Variants in RPAP2 observed in about 807,000 individuals in gnomAD.
RPAP2 encodes RNA polymerase II associated protein 2.
Under a neutral mutation model 73.1 loss-of-function variants are expected in RPAP2, and 52 were observed. That is an observed-to-expected ratio of 0.71 (90% CI 0.57 to 0.90). The LOEUF (loss-of-function observed/expected upper bound fraction) is 0.90. Among genes scored for constraint, RPAP2 ranks in the 40% least tolerant of loss-of-function variants. The pLI, the probability that RPAP2 is intolerant of heterozygous loss-of-function variation, is 0.00. For synonymous variants in RPAP2, 225 were observed against 242.1 expected (o/e 0.93, Z 0.65); for missense variants, 598 against 701.8 (o/e 0.85, Z 1.67).
chr1:92,305,238 C>T (rs1184767842), intron 5 of RPAP2, among the ~76,000 whole-genome samples: 1 of 151,840 alleles, frequency 6.6e-6, no homozygotes, highest in Non-Finnish European at 1.5e-5. Context: ...CGAGACCATC[C>T]TGGCTAACAC....
intron 11 of RPAP2, among the ~76,000 whole-genome samples, chr1:92,365,272 G>A (rs976814986): frequency 6.6e-6 from 1 of 152,288 alleles, no homozygotes; most frequent in Non-Finnish European, 1.5e-5. Context: ...TTCCAAAAGT[G>A]TAGTTAACAA....
In RPAP2 at chr1:92,393,609, A is replaced by G. The variant is rs941201246; in HGVS notation, c.*6598A>G. On this transcript the variant is annotated 3_prime_UTR_variant, in exon 13 of 13. Transcript: ENST00000610020. The stretch of plus-strand genomic sequence containing the variant: ...AAGGGCTAATATCCAGAATCTACAA[A>G]GAACTTAAACAAATTTACAAGAAAA... The G allele has an allele frequency of 2.6e-5, 4 of 152,214 alleles. No individual in the cohort carries two copies. Among genetic ancestry groups the G allele is most frequent in the Non-Finnish European group, 5.9e-5 (4 of 68,034 alleles). 9.4% of individuals were successfully genotyped at this position (152,214 alleles called of 1,614,324 possible). A position where few individuals can be genotyped will look rare whatever the true frequency, so the allele number is the denominator to read the frequency against.
Position 92,398,131 on chromosome 1 carries a change from T to A in RPAP2, c.*11120T>A, listed in dbSNP as rs1296859718. The A allele has an allele frequency of 6.6e-6, 1 of 152,270 alleles. No homozygotes were observed. Among genetic ancestry groups the A allele is most frequent in the African/African-American group, 2.4e-5 (1 of 41,544 alleles). The allele number at this position is 152,270 out of a possible 1,614,324, so 9.4% of individuals were successfully genotyped here. A position where few individuals can be genotyped will look rare whatever the true frequency, so the allele number is the denominator to read the frequency against. ...TGGCACTGCACTCCAGCCTAGGCAATAGAGTGAGACTGTCTCAAAAAATAA... is the reference window on the plus strand; with the variant it reads ...TGGCACTGCACTCCAGCCTAGGCAAAAGAGTGAGACTGTCTCAAAAAATAA... On this transcript the variant is annotated 3_prime_UTR_variant, in exon 13 of 13. Coordinates refer to ENST00000610020, the MANE Select transcript of RPAP2 (RefSeq NM_024813.3).
chr1:92,379,283 T>C (rs962912096), intron 11 of RPAP2, among the ~76,000 whole-genome samples: 9 of 152,208 alleles, frequency 5.9e-5, no homozygotes, highest in African/African-American at 2.2e-4. Flanking sequence ...TAAATAAATA[T>C]CTGAAAGAGC....
chr1:92,343,167 G>A (rs1557613611), intron 10 of RPAP2, among the ~76,000 whole-genome samples: 1 of 152,194 alleles, frequency 6.6e-6, no homozygotes, highest in Non-Finnish European at 1.5e-5. Context: ...GCTCATGAGA[G>A]GTGGGGGAAC....
In RPAP2 at chr1:92,394,324, G is replaced by A. The variant is rs971225083; in HGVS notation, c.*7313G>A. ...GGTAACATCACACACCAGGGCCTGTGGGGGGTGGGGGGCTAAGGGAGGGAT... is the reference window on the plus strand; with the variant it reads ...GGTAACATCACACACCAGGGCCTGTAGGGGGTGGGGGGCTAAGGGAGGGAT... On this transcript the variant is annotated 3_prime_UTR_variant, in exon 13 of 13. Transcript: ENST00000610020. 1 of 152,048 alleles carries A rather than the reference G, an allele frequency of 6.6e-6. No homozygotes were observed. Among genetic ancestry groups the A allele is most frequent in the Non-Finnish European group, 1.5e-5 (1 of 68,042 alleles). The allele number at this position is 152,048 out of a possible 1,614,324, so 9.4% of individuals were successfully genotyped here.
intron 9 of RPAP2, among the ~76,000 whole-genome samples, chr1:92,335,325 C>G (rs1004677974): frequency 6.6e-6 from 1 of 152,130 alleles, no homozygotes; most frequent in African/African-American, 2.4e-5. Context: ...GGGATTATTA[C>G]TATTCTTTCT....
chr1:92,361,788 A>G (rs759643627), intron 11 of RPAP2, among the ~76,000 whole-genome samples: 1 of 152,210 alleles, frequency 6.6e-6, no homozygotes, highest in Non-Finnish European at 1.5e-5. Context: ...ACTTTTTAAA[A>G]TGTTTCTTTG....
intron 7 of RPAP2, among the ~76,000 whole-genome samples, 193 bp downstream of exon 7, chr1:92,320,827 T>G (rs930596712): frequency 2.0e-5 from 3 of 152,240 alleles, no homozygotes; most frequent in Non-Finnish European, 4.4e-5. Flanking sequence ...GTGTTTGATC[T>G]GTATGATTTA....
chr1:92,309,629 A>G (rs1651473689), intron 6 of RPAP2, among the ~76,000 whole-genome samples: 1 of 151,740 alleles, frequency 6.6e-6, no homozygotes, highest in South Asian at 2.1e-4. Flanking sequence ...ATACACATAT[A>G]CAAGTATAAA....
intron 12 of RPAP2, among the ~76,000 whole-genome samples, chr1:92,383,967 C>CT (rs111870247): frequency 0.94 from 139,907 of 149,352 alleles, 66,009 homozygotes; most frequent in East Asian, 1. Context: ...ATAAAACAAT[C>CT]TTTTTTTTTT....
intron 8 of RPAP2, among the ~76,000 whole-genome samples, chr1:92,324,619 T>G (rs1239006267): frequency 6.6e-6 from 1 of 152,206 alleles, no homozygotes; most frequent in East Asian, 1.9e-4. Context: ...AATGTAAAAA[T>G]AGCCTAAAAT....
chr1:92,372,845 T>G (rs1417451978), intron 11 of RPAP2, among the ~76,000 whole-genome samples: 2 of 152,076 alleles, frequency 1.3e-5, no homozygotes, highest in East Asian at 3.8e-4. Flanking sequence ...AGCCCAGGAG[T>G]TCGAGGCTTC....
intron 10 of RPAP2, among the ~76,000 whole-genome samples, chr1:92,341,054 G>C (rs1653563228): frequency 6.6e-6 from 1 of 151,996 alleles, no homozygotes; most frequent in South Asian, 2.1e-4. Flanking sequence ...TGTCACCCAG[G>C]TTGGACTGCC....
intron 5 of RPAP2, among the ~76,000 whole-genome samples, chr1:92,305,432 C>A (rs867975636): frequency 0.014 from 741 of 52,482 alleles, no homozygotes; most frequent in African/African-American, 0.021. Context: ...GGCTCCGTCT[C>A]AAAAAAAAAA....
chr1:92,323,852 C>T lies in RPAP2; in HGVS notation c.932C>T (p.Ala311Val), dbSNP rs78030057. 2.7e-3 allele frequency: 4,417 copies of T among 1,613,846 alleles called. 96 individuals are homozygous for T. In the African/African-American group the frequency reaches 0.048, roughly 18 times the overall value. The change falls in exon 8 of 13, where the codon GCG becomes GTG. Residue 311 changes from alanine (A) to valine (V), a missense_variant. Transcript: ENST00000610020. ...AGCACTTTGCCTGAAAGATTAAAAG[C>T]GTCAGAAAATTCTGAAAGTGAATAC... ...SNSTLPERLKASENSESEYSR... is the reference protein window; with the variant it reads ...SNSTLPERLKVSENSESEYSR...
At chr1:92,372,769 T>C (rs1323992682) in intron 11 of RPAP2, among the ~76,000 whole-genome samples, 1 of 151,904 alleles carries the variant, frequency 6.6e-6, no homozygotes, top group African/African-American at 2.4e-5. Context: ...AGTAGCCGGG[T>C]ATGGTGGCAC....
intron 6 of RPAP2, among the ~76,000 whole-genome samples, chr1:92,313,854 CT>C (rs1411954583): frequency 6.6e-6 from 1 of 152,236 alleles, no homozygotes; most frequent in Non-Finnish European, 1.5e-5. Flanking sequence ...TACATCAGCA[CT>C]TGTGGCTTCA....
chr1:92,330,678 G>A (rs942856967), intron 8 of RPAP2, among the ~76,000 whole-genome samples: 8 of 151,808 alleles, frequency 5.3e-5, no homozygotes, highest in African/African-American at 1.7e-4. Flanking sequence ...TCTCGAACTC[G>A]TGAGCTCAAG....
Sources: allele counts gnomAD v4.1 joint callset (sites outside exome capture counted in the v4.1 genomes callset), GRCh38; gene constraint gnomAD v4.1.1; transcripts MANE v1.5; gene names NCBI Gene and HGNC (gene_info 2026-07-23, HGNC 2026-07-21).